LRBA: variants seen among roughly 807,000 people sequenced by gnomAD.
LRBA encodes LPS responsive beige-like anchor protein.
A neutral mutation model predicts 330.0 loss-of-function variants in LRBA; 176 were observed. The observed-to-expected ratio is 0.53, with a 90% CI of 0.47 to 0.60. LRBA has a LOEUF of 0.60. LRBA is among the 20% of genes least tolerant of loss of function. The pLI, the probability that LRBA is intolerant of heterozygous loss-of-function variation, is 0.00. For missense variants in LRBA, 3,259 were observed against 3,444.8 expected, an observed-to-expected ratio of 0.95 and a Z score of 1.35; for synonymous variants, 1,230 against 1,193.0, an observed-to-expected ratio of 1.03 and a Z score of -0.64.
chr4:150,796,022 A>C (rs1004057051), intron 34 of LRBA, among the ~76,000 whole-genome samples: 1 of 151,940 alleles, frequency 6.6e-6, no homozygotes, highest in Non-Finnish European at 1.5e-5. Context: ...TACGTGATTA[A>C]AAAGTAGTTT....
chr4:151,007,709 T>C (rs1279055119), intron 2 of LRBA, among the ~76,000 whole-genome samples: 1 of 150,778 alleles, frequency 6.6e-6, no homozygotes, highest in Middle Eastern at 3.5e-3. Flanking sequence ...TACAAAAAAT[T>C]AGCCAGGCGT....
intron 53 of LRBA, among the ~76,000 whole-genome samples, chr4:150,295,678 A>C (rs1287379013): frequency 6.6e-6 from 1 of 152,222 alleles, no homozygotes; most frequent in African/African-American, 2.4e-5. Flanking sequence ...ATAAATGTAC[A>C]TAGAATACAA....
chr4:150,760,157 C>T (rs1734879276), intron 35 of LRBA, among the ~76,000 whole-genome samples: 1 of 152,126 alleles, frequency 6.6e-6, no homozygotes, highest in Non-Finnish European at 1.5e-5. Flanking sequence ...ACTTCAATAT[C>T]ATCCAATACC....
At chr4:150,571,185 T>C (rs1436872755) in intron 40 of LRBA, among the ~76,000 whole-genome samples, 1 of 148,928 alleles carries the variant, frequency 6.7e-6, no homozygotes, top group African/African-American at 2.5e-5. Context: ...CTGCAGCTTC[T>C]TTTTTTTTTC....
intron 50 of LRBA, among the ~76,000 whole-genome samples, chr4:150,320,291 C>A (rs1212805937): frequency 6.6e-6 from 1 of 152,122 alleles, no homozygotes; most frequent in Non-Finnish European, 1.5e-5. Flanking sequence ...ACTTTCAATG[C>A]CTCTTTAAAT....
chr4:150,681,606 G>T (rs980712240), intron 37 of LRBA, among the ~76,000 whole-genome samples: 1 of 152,126 alleles, frequency 6.6e-6, no homozygotes, highest in African/African-American at 2.4e-5. Flanking sequence ...TTTAATGTAA[G>T]ATGAGATTTA....
chr4:150,583,313 C>A lies in LRBA; in HGVS notation c.6330+4735G>T. 6.2e-7 allele frequency: 1 copy of A among 1,614,198 alleles called. No homozygotes were observed. Among genetic ancestry groups the A allele is most frequent in the Non-Finnish European group, 8.5e-7 (1 of 1,180,038 alleles). Reference sequence around the variant, plus strand: ...AACTTCGTGGACGACGGCTCGCTGCCCGGCTGCGCAGTGCTCAAACTGAGC... The same window carrying A: ...AACTTCGTGGACGACGGCTCGCTGCACGGCTGCGCAGTGCTCAAACTGAGC... On this transcript the variant is annotated intron_variant, in intron 40 of 56. Coordinates refer to ENST00000651943, the MANE Select transcript of LRBA (RefSeq NM_001364905.1). The surrounding 1 kb of genome is among the most constrained non-coding windows in gnomAD (Gnocchi z 9.8).
chr4:150,345,288 C>A (rs1282985397), intron 48 of LRBA, among the ~76,000 whole-genome samples: 1 of 152,066 alleles, frequency 6.6e-6, no homozygotes, highest in Admixed American at 6.6e-5. Flanking sequence ...TTACATGATT[C>A]GGGTTTAGTA....
chr4:150,770,002 T>C (rs918215488), intron 34 of LRBA, among the ~76,000 whole-genome samples: 1 of 152,220 alleles, frequency 6.6e-6, no homozygotes, highest in African/African-American at 2.4e-5. Flanking sequence ...GTTGTGTCTG[T>C]GAGGTTGTTC....
At chr4:150,658,197 C>T (rs896699253) in intron 37 of LRBA, among the ~76,000 whole-genome samples, 4 of 13,542 alleles carry the variant, frequency 3.0e-4, no homozygotes, top group Admixed American at 4.0e-3. Context: ...AAATAGATTC[C>T]CCCCCTTCTT....
intron 13 of LRBA, among the ~76,000 whole-genome samples, chr4:150,905,560 CAA>C (rs1336597983): frequency 6.6e-6 from 1 of 151,768 alleles, no homozygotes; most frequent in African/African-American, 2.4e-5. Flanking sequence ...TTTCAGAAAA[CAA>C]AGACTATACC....
chr4:150,491,953 A>C (rs543161561), intron 40 of LRBA, among the ~76,000 whole-genome samples: 1 of 152,136 alleles, frequency 6.6e-6, no homozygotes, highest in Non-Finnish European at 1.5e-5. Flanking sequence ...AAGTTTAAAA[A>C]ATTAAGAAAT....
chr4:150,313,840 G>GTA (rs35815992), intron 51 of LRBA, among the ~76,000 whole-genome samples: 7,790 of 141,806 alleles, frequency 0.055, 241 homozygotes, highest in African/African-American at 0.088. Context: ...TATATATAAT[G>GTA]TATATATATA....
At chr4:150,459,969 T>G (rs138973888) in intron 44 of LRBA, among the ~76,000 whole-genome samples, 1 of 151,896 alleles carries the variant, frequency 6.6e-6, no homozygotes, top group African/African-American at 2.4e-5. Flanking sequence ...TGAATTCCTT[T>G]AGCTTCACTG....
chr4:150,585,642 C>T (rs1039147831), intron 40 of LRBA, among the ~76,000 whole-genome samples: 2 of 152,146 alleles, frequency 1.3e-5, no homozygotes, highest in African/African-American at 4.8e-5. Context: ...ATACTCCATT[C>T]GCTATGCTAA....
intron 37 of LRBA, among the ~76,000 whole-genome samples, chr4:150,616,153 G>A (rs937019839): frequency 6.6e-6 from 1 of 152,210 alleles, no homozygotes; most frequent in Non-Finnish European, 1.5e-5. Flanking sequence ...GAATATAAGA[G>A]TGTGGAGTTC....
Position 150,897,792 on chromosome 4 carries a change from TTTC to T in LRBA, c.1948_1950del (p.Glu650del). ...AACAAGAATGCTCGTAGAGAAAGCA[TTTC>T]TTTTTGATTAGGTCGCGGTCCATCT... On this transcript the variant is annotated inframe_deletion, in exon 15 of 57. Transcript: ENST00000651943. 6.2e-7 allele frequency: 1 copy of T among 1,612,166 alleles called. No individual in the cohort carries two copies. Among genetic ancestry groups the T allele is most frequent in the Non-Finnish European group, 8.5e-7 (1 of 1,178,696 alleles).
chr4:150,781,995 C>T (rs148515557), intron 34 of LRBA, among the ~76,000 whole-genome samples: 1 of 151,986 alleles, frequency 6.6e-6, no homozygotes, highest in Non-Finnish European at 1.5e-5. Flanking sequence ...CAGCCTTGAC[C>T]CCCCTGGGTT....
intron 40 of LRBA, among the ~76,000 whole-genome samples, chr4:150,514,986 C>T (rs938546950): frequency 2.6e-5 from 4 of 151,900 alleles, no homozygotes; most frequent in African/African-American, 9.7e-5. Context: ...CTTAAACTAC[C>T]GTTGAAAAAA....
Sources: allele counts gnomAD v4.1 joint callset (sites outside exome capture counted in the v4.1 genomes callset), GRCh38; gene constraint gnomAD v4.1.1; non-coding constraint Gnocchi (gnomAD v3.1); transcripts MANE v1.5; gene names NCBI Gene and HGNC (gene_info 2026-07-23, HGNC 2026-07-21).